COL12A1: variants seen among roughly 807,000 people sequenced by gnomAD.
COL12A1 encodes collagen type XII alpha 1 chain.
Under a neutral mutation model 349.7 loss-of-function variants are expected in COL12A1, and 114 were observed. The ratio of observed to expected loss-of-function variants is 0.33; its 90% CI spans 0.28 to 0.38. The LOEUF is 0.38. COL12A1 is among the 10% of genes least tolerant of loss of function. COL12A1 has a pLI of 1.00. For missense variants in COL12A1, 3,284 were observed against 3,756.9 expected (o/e 0.87, Z 3.29); for synonymous variants, 1,369 against 1,329.0 (o/e 1.03, Z -0.66).
intron 49 of COL12A1, 79 bp downstream of exon 49, chr6:75,115,705 G>T: frequency 6.7e-7 from 1 of 1,489,516 alleles, no homozygotes; most frequent in Non-Finnish European, 9.0e-7. Flanking sequence ...AAAGTCCCAG[G>T]ATTCTGGGAA....
chr6:75,096,757 G>A (rs1402762559), intron 59 of COL12A1, among the ~76,000 whole-genome samples: 3 of 151,502 alleles, frequency 2.0e-5, no homozygotes, highest in East Asian at 1.9e-4. Context: ...TTAGCCGGGC[G>A]TAGTGGCGGG....
intron 11 of COL12A1, 79 bp from the exon 12 acceptor site, chr6:75,178,014 A>G: frequency 1.5e-6 from 2 of 1,303,126 alleles, no homozygotes; most frequent in Middle Eastern, 2.7e-4. Flanking sequence ...TTACCTTTTT[A>G]TTACTAAATT....
At chr6:75,120,164 C>T (rs1466546303) in intron 44 of COL12A1, among the ~76,000 whole-genome samples, 2 of 151,790 alleles carry the variant, frequency 1.3e-5, no homozygotes, top group East Asian at 3.9e-4. Context: ...TTTAGAAATA[C>T]AAATTCCTAA....
At chr6:75,131,860 T>C (rs1034744660) in intron 35 of COL12A1, 80 bp downstream of exon 35, 116 of 1,509,440 alleles carry the variant, frequency 7.7e-5, no homozygotes, top group Non-Finnish European at 1.0e-4. Flanking sequence ...GTGGTTTGTG[T>C]TCTCCCAGGC....
intron 59 of COL12A1, 149 bp from the exon 60 acceptor site, chr6:75,095,328 T>G (rs546506112): frequency 3.1e-6 from 2 of 635,424 alleles, no homozygotes; most frequent in Non-Finnish European, 5.4e-6. Flanking sequence ...TAAGATAACA[T>G]GAAATAGGGC....
At chr6:75,194,013 T>A (rs1770092033) in intron 3 of COL12A1, among the ~76,000 whole-genome samples, 1 of 152,176 alleles carries the variant, frequency 6.6e-6, no homozygotes, top group Admixed American at 6.5e-5. Context: ...TCTTTGCTAT[T>A]GTGAATAAGT....
chr6:75,163,501 G>A (rs551768615), intron 14 of COL12A1, among the ~76,000 whole-genome samples: 7 of 152,090 alleles, frequency 4.6e-5, no homozygotes, highest in Non-Finnish European at 7.4e-5. Context: ...CTCACACACC[G>A]GGGCCTGTAG....
At position 75,146,196 on chromosome 6, in the gene COL12A1, G is replaced by A; in HGVS notation, c.4466C>T (p.Thr1489Ile). The A allele has an allele frequency of 3.7e-6, 6 of 1,613,242 alleles. No individual in the cohort carries two copies. Among genetic ancestry groups the A allele is most frequent in the Non-Finnish European group, 5.1e-6 (6 of 1,179,610 alleles). The change falls in exon 24 of 66, where the codon ACC becomes ATC. Residue 1489 changes from threonine to isoleucine, a missense_variant. This residue lies in a region of COL12A1 where 2,601 missense variants were observed against 2,824.8 expected (regional missense o/e 0.92). Transcript: ENST00000322507. The stretch of plus-strand genomic sequence containing the variant: ...CACAGGCTGCCACTGCACATGCATG[G>A]TGGTAGGGCCAACATCATAAATATT... ...SLNIYDVGPT[T>I]MHVQWQPVGG...
At chr6:75,187,573 GA>G (rs541359041) in intron 8 of COL12A1, among the ~76,000 whole-genome samples, 3 of 152,122 alleles carry the variant, frequency 2.0e-5, no homozygotes, top group Admixed American at 6.6e-5. Context: ...AGGATAGATT[GA>G]GAGCCCATGA....
rs569581214 is a variant in COL12A1, at chr6:75,189,645, T to G, written c.565A>C (p.Arg189=). 3 of 1,613,406 alleles carry G rather than the reference T, an allele frequency of 1.9e-6. No individual in the cohort carries two copies. The African/African-American group carries it at 4.0e-5, about 22-fold the overall frequency. Residue 189 remains arginine (R), a synonymous_variant, in exon 6 of 66, where the codon AGG becomes CGG. Coordinates refer to ENST00000322507, the MANE Select transcript of COL12A1 (RefSeq NM_004370.6). The part of the protein sequence containing the change: ...VGVVQYSSDT[R]TEFNLNQYYQ... ...TACTGATTTAAGTTAAATTCAGTCC[T>G]GGTATCAGAGCTGTATTGAACAACT...
chr6:75,133,437 A>G lies in COL12A1; in HGVS notation c.5665-15T>C. 1.3e-6 allele frequency: 2 copies of G among 1,596,196 alleles called. No individual in the cohort carries two copies. The highest frequency in any genetic ancestry group is 8.5e-7 in the Non-Finnish European group (1 of 1,174,976). On this transcript the variant is annotated splice_polypyrimidine_tract_variant and intron_variant, in intron 33 of 65. Coordinates refer to ENST00000322507, the MANE Select transcript of COL12A1 (RefSeq NM_004370.6). ...GGGATTGGTACCTAAAGATTTTAAT[A>G]AAACAAAAAGCATTGACTTGAAAAA...
At chr6:75,176,681 T>G (rs1034294415) in intron 12 of COL12A1, among the ~76,000 whole-genome samples, 5 of 152,182 alleles carry the variant, frequency 3.3e-5, no homozygotes, top group Non-Finnish European at 2.9e-5. Context: ...CAGCCTCAAT[T>G]CTCTTATCAA....
intron 14 of COL12A1, among the ~76,000 whole-genome samples, chr6:75,158,540 A>C (rs1317466282): frequency 6.6e-6 from 1 of 152,182 alleles, no homozygotes; most frequent in Non-Finnish European, 1.5e-5. Flanking sequence ...ACAACACATA[A>C]TAAGAAGAAA....
rs1554186583 is a variant in COL12A1, at chr6:75,177,867, G to A, written c.2233C>T (p.Gln745Ter). 6.2e-7 allele frequency: 1 copy of A among 1,613,850 alleles called. No individual in the cohort carries two copies. The highest frequency in any genetic ancestry group is 8.5e-7 in the Non-Finnish European group (1 of 1,180,024). Residue 745 changes from glutamine (Q) to a stop codon, truncating the protein, a stop_gained, in exon 12 of 66, where the codon CAA (glutamine) becomes TAA (stop). Transcript: ENST00000322507. LOFTEE classifies it high-confidence loss of function. ...TATCTTAAAACTCTCCCTGGAGCTT[G>A]AGTCCAAGTAATTTTGAAACTATCT... ...TTDSFKITWT[Q>*]APGRVLRYRI...
intron 2 of COL12A1, among the ~76,000 whole-genome samples, chr6:75,202,510 T>C (rs751978824): frequency 2.6e-4 from 39 of 152,238 alleles, no homozygotes; most frequent in Non-Finnish European, 4.6e-4. Context: ...CTGTACGGAA[T>C]GCATTAAGCA....
chr6:75,176,476 G>A (rs1309110126), intron 12 of COL12A1, among the ~76,000 whole-genome samples: 1 of 151,432 alleles, frequency 6.6e-6, no homozygotes, highest in African/African-American at 2.4e-5. Flanking sequence ...GACGCAGTGG[G>A]GGAGGAGGGA....
chr6:75,115,042 C>A (rs1164601333), intron 49 of COL12A1, among the ~76,000 whole-genome samples: 1 of 152,084 alleles, frequency 6.6e-6, no homozygotes, highest in Non-Finnish European at 1.5e-5. Flanking sequence ...CAAACTACAA[C>A]AATACAATCT....
Position 75,119,026 on chromosome 6 carries a change from T to A in COL12A1, c.7354+17A>T. On this transcript the variant is annotated intron_variant, in intron 46 of 65. Transcript: ENST00000322507. ...TGTTAAAATTTCAAGTGCAATCAAA[T>A]TCATGTATGTGCTTGCCTGACTGCT... 6.2e-7 allele frequency: 1 copy of A among 1,611,898 alleles called. No homozygotes were observed. The highest frequency in any genetic ancestry group is 1.3e-5 in the African/African-American group (1 of 74,904).
At chr6:75,161,820 AAATC>A (rs1182226298) in intron 14 of COL12A1, among the ~76,000 whole-genome samples, 6 of 152,358 alleles carry the variant, frequency 3.9e-5, no homozygotes, top group Admixed American at 1.3e-4. Context: ...TCAGGATACA[AAATC>A]AATGTGCAAA....
Sources: gnomAD v4.1 joint callset for allele counts (sites outside exome capture counted in the v4.1 genomes callset) on GRCh38, gnomAD v4.1.1 for gene constraint, gnomAD v4.1.1 regional missense constraint, MANE v1.5 for transcripts, NCBI Gene and HGNC (gene_info 2026-07-23, HGNC 2026-07-21) for gene names.